The following NDRG1 variants were observed in gnomAD, a reference collection of about 807,000 sequenced individuals.
NDRG1 encodes the protein protein NDRG1.
A neutral mutation model predicts 56.9 loss-of-function variants in NDRG1; 32 were observed. The observed-to-expected ratio is 0.56, with a 90% CI of 0.42 to 0.76. The LOEUF (loss-of-function observed/expected upper bound fraction) is 0.76, where lower values mean the gene tolerates loss of function less well. Ranked by LOEUF, NDRG1 falls within the 30% of genes least tolerant of loss-of-function variation. The pLI, the probability that NDRG1 is intolerant of heterozygous loss-of-function variation, is 0.00. For missense variants in NDRG1, 507 were observed against 545.7 expected (o/e 0.93, Z 0.71); for synonymous variants, 211 against 204.1 (o/e 1.03, Z -0.29).
intron 10 of NDRG1, 58 bp from the exon 11 acceptor site, chr8:133,248,829 C>A: frequency 6.2e-7 from 1 of 1,600,250 alleles, no homozygotes; most frequent in African/African-American, 1.3e-5. Context: ...AAATCTCCCA[C>A]TCCCATCCAG....
chr8:133,241,886 A>G, intron 15 of NDRG1, 137 bp downstream of exon 15: 1 of 980,232 alleles, frequency 1.0e-6, no homozygotes, highest in South Asian at 1.3e-5. Flanking sequence ...CCCTCCACAC[A>G]CCTAACTGTT....
Position 133,291,149 on chromosome 8 carries a change from G to A in NDRG1, c.-19+5985C>T, listed in dbSNP as rs373161327. 1.5e-4 allele frequency among the ~76,000 whole-genome samples: 23 copies of A among 152,288 alleles called. No homozygotes were observed. The South Asian group carries it at 4.8e-3, about 32-fold the overall frequency. ...GGGAATTGCTGACAAGGGTAGCATC[G>A]ATTGTCACCAACAGCAACTGGCCCA... On this transcript the variant is annotated intron_variant, in intron 1 of 15. Transcript: ENST00000323851.
At chr8:133,268,188 T>C (rs970425403) in intron 3 of NDRG1, among the ~76,000 whole-genome samples, 1 of 152,060 alleles carries the variant, frequency 6.6e-6, no homozygotes, top group Non-Finnish European at 1.5e-5. Flanking sequence ...AGAGATCTGA[T>C]CCCGACAGAT....
At chr8:133,264,485 G>A in intron 4 of NDRG1, 62 bp downstream of exon 4, 2 of 1,479,504 alleles carry the variant, frequency 1.4e-6, no homozygotes, top group Non-Finnish European at 1.9e-6. Context: ...CTTCTCGGCT[G>A]CCTTTTTCCG....
chr8:133,244,418 C>A, intron 13 of NDRG1, 28 bp from the exon 14 acceptor site: 2 of 1,614,146 alleles, frequency 1.2e-6, no homozygotes. Context: ...TCGTTAGTGC[C>A]AAACACCACA....
intron 9 of NDRG1, among the ~76,000 whole-genome samples, chr8:133,252,922 C>T (rs1336731111): frequency 6.6e-6 from 1 of 152,086 alleles, no homozygotes; most frequent in Non-Finnish European, 1.5e-5. Context: ...TCCCCTGGTA[C>T]ACTCGTCAAC....
chr8:133,277,024 T>G (rs537161886), intron 3 of NDRG1, among the ~76,000 whole-genome samples: 13 of 152,328 alleles, frequency 8.5e-5, no homozygotes, highest in Admixed American at 3.9e-4. Context: ...TGCTGACACC[T>G]GCTACAACAG....
chr8:133,285,463 C>T (rs1858056583), intron 1 of NDRG1, among the ~76,000 whole-genome samples: 1 of 152,142 alleles, frequency 6.6e-6, no homozygotes, highest in South Asian at 2.1e-4. Context: ...ACCTGGGCCC[C>T]GCACTGCCCA....
intron 14 of NDRG1, 50 bp downstream of exon 14, chr8:133,244,305 C>A (rs769172467): frequency 1.2e-5 from 19 of 1,610,866 alleles, no homozygotes; most frequent in Non-Finnish European, 1.5e-5. Context: ...ATGCACTCCA[C>A]CCAGGGGGAA....
intron 12 of NDRG1, 120 bp from the exon 13 acceptor site, chr8:133,246,783 G>C: frequency 1.1e-6 from 1 of 943,090 alleles, no homozygotes; most frequent in Non-Finnish European, 1.7e-6. Context: ...TGGCAAAGAA[G>C]AAAGTATGTG....
chr8:133,258,264 C>G, intron 7 of NDRG1, 102 bp downstream of exon 7: 1 of 1,177,466 alleles, frequency 8.5e-7, no homozygotes, highest in Non-Finnish European at 1.2e-6. Context: ...GAATACGGGT[C>G]ATTTCTTTTT....
intron 5 of NDRG1, chr8:133,259,479 C>CT (rs1225281640): frequency 1.8e-6 from 1 of 553,882 alleles, no homozygotes; most frequent in African/African-American, 1.9e-5. Flanking sequence ...CACAATAACT[C>CT]TAGGAGGCTG....
intron 15 of NDRG1, 25 bp from the exon 16 acceptor site, chr8:133,239,144 T>C (rs767242256): frequency 6.4e-7 from 1 of 1,550,878 alleles, no homozygotes; most frequent in South Asian, 1.2e-5. Context: ...GACAGCCGGT[T>C]AGAGGGCAGG....
At position 133,274,014 on chromosome 8, in the gene NDRG1, C is replaced by G. The variant is rs374748070; in HGVS notation, c.99+6218G>C. 1.3e-4 allele frequency among the ~76,000 whole-genome samples: 20 copies of G among 152,328 alleles called. 1 individual carries two copies. In the East Asian group the frequency reaches 2.9e-3, roughly 22 times the overall value. On this transcript the variant is annotated intron_variant, in intron 3 of 15. Transcript: ENST00000323851. Reference sequence around the variant, plus strand: ...CCTGCAACCCGGACACCTAGGCCAGCAGCCCGCCCACCCCGTGCCCTGAGG... The same window carrying G: ...CCTGCAACCCGGACACCTAGGCCAGGAGCCCGCCCACCCCGTGCCCTGAGG...
At chr8:133,278,262 T>G (rs1857570008) in intron 3 of NDRG1, among the ~76,000 whole-genome samples, 1 of 150,574 alleles carries the variant, frequency 6.6e-6, no homozygotes, top group African/African-American at 2.5e-5. Context: ...AGCTCTGACT[T>G]CCCTGGGTGC....
chr8:133,255,016 T>C (rs1856291191), intron 8 of NDRG1: 1 of 329,832 alleles, frequency 3.0e-6, no homozygotes, highest in South Asian at 2.5e-5. Context: ...CTCTCTCATC[T>C]CCAAGCCAGT....
rs368668830 is a variant in NDRG1 at position 133,250,410 on chromosome 8, C to A, written c.698+30G>T. 7.0e-6 allele frequency: 11 copies of A among 1,564,262 alleles called. No homozygotes were observed. In the African/African-American group the frequency reaches 1.4e-4, roughly 19 times the overall value. On this transcript the variant is annotated intron_variant, in intron 10 of 15. Transcript: ENST00000323851. Reference sequence around the variant, plus strand: ...TCTACAGAAGACACCTCATAAATAGCAATGATGTGGCTGAACTACATCCCA... The same window carrying A: ...TCTACAGAAGACACCTCATAAATAGAAATGATGTGGCTGAACTACATCCCA...
At chr8:133,263,494 T>C (rs1045534778) in intron 4 of NDRG1, among the ~76,000 whole-genome samples, 1 of 152,222 alleles carries the variant, frequency 6.6e-6, no homozygotes, top group Non-Finnish European at 1.5e-5. Flanking sequence ...CATTCCATTC[T>C]CATCTATGAA....
At chr8:133,251,953 T>C (rs909975046) in intron 9 of NDRG1, among the ~76,000 whole-genome samples, 1 of 152,110 alleles carries the variant, frequency 6.6e-6, no homozygotes, top group South Asian at 2.1e-4. Context: ...GAGCAGCCAC[T>C]AGCCAAGGAA....
Sources: gnomAD v4.1 joint callset for allele counts (sites outside exome capture counted in the v4.1 genomes callset) on GRCh38, gnomAD v4.1.1 for gene constraint, MANE v1.5 for transcripts, NCBI Gene and HGNC (gene_info 2026-07-23, HGNC 2026-07-21) for gene names.